DNAH10: variants seen among roughly 807,000 people sequenced by gnomAD.
DNAH10 encodes dynein axonemal heavy chain 10.
DNAH10 carries 348 observed loss-of-function variants against 506.6 expected under a neutral mutation model. The ratio of observed to expected loss-of-function variants is 0.69; its 90% CI spans 0.63 to 0.75. The LOEUF (loss-of-function observed/expected upper bound fraction) is 0.75. Among genes scored for constraint, DNAH10 ranks in the 30% least tolerant of loss-of-function variants. DNAH10 has a pLI of 0.00. For missense variants in DNAH10, 5,179 were observed against 5,787.1 expected (o/e 0.89, Z 3.41); for synonymous variants, 2,059 against 2,198.6 (o/e 0.94, Z 1.78).
In DNAH10 at chr12:123,768,597, G is replaced by A. The variant is rs117410459; in HGVS notation, c.298+908G>A. Among the ~76,000 whole-genome samples the A allele has an allele frequency of 1.6e-4, 24 of 150,608 alleles. No homozygotes were observed. The East Asian group carries it at 4.6e-3, about 29-fold the overall frequency. On this transcript the variant is annotated intron_variant, in intron 2 of 78. Transcript: ENST00000673944. ...GGGGGACACTCTTCAACCGAGTGTA[G>A]TATGTAACATACAAACACTCATGCA... is the stretch of plus-strand genomic sequence containing the variant.
chr12:123,864,396 T>C (rs4930727), intron 39 of DNAH10, among the ~76,000 whole-genome samples, 199 bp from the exon 40 acceptor site: 79,045 of 151,680 alleles, frequency 0.52, 20,899 homozygotes, highest in African/African-American at 0.55. Context: ...CCGCCCACCT[T>C]GGCCTCCCAA....
intron 1 of DNAH10, among the ~76,000 whole-genome samples, chr12:123,765,564 TTATCTATC>T (rs142140309): frequency 3.8e-4 from 57 of 149,408 alleles, no homozygotes; most frequent in South Asian, 1.3e-3. Context: ...TATCTATACT[TTATCTATC>T]TATCTATCTA....
rs750986022 is a variant in DNAH10 at position 123,783,090 on chromosome 12, C to T, written c.842-17C>T. 1.9e-5 allele frequency: 30 copies of T among 1,612,074 alleles called. No homozygotes were observed. Among genetic ancestry groups the T allele is most frequent in the Non-Finnish European group, 2.2e-5 (26 of 1,178,442 alleles). ...TTTCCTGAACGAATGACTGACTGAT[C>T]ACTTTTATTTTCCTAGGTGAGATCA... On this transcript the variant is annotated splice_polypyrimidine_tract_variant and intron_variant, in intron 6 of 78. Coordinates refer to ENST00000673944, the MANE Select transcript of DNAH10 (RefSeq NM_001372106.1).
At chr12:123,826,920 C>G in intron 25 of DNAH10, 22 bp downstream of exon 25, 1 of 1,593,314 alleles carries the variant, frequency 6.3e-7, no homozygotes, top group Non-Finnish European at 8.6e-7. Flanking sequence ...CCTCTGTCCG[C>G]AGATGTAAAA....
At chr12:123,893,569 C>A in intron 53 of DNAH10, 133 bp downstream of exon 53, 1 of 1,008,010 alleles carries the variant, frequency 9.9e-7, no homozygotes, top group Non-Finnish European at 1.5e-6. Flanking sequence ...AATGTGGGCT[C>A]TGCACTGTAG....
chr12:123,800,190 G>A (rs751448383), intron 14 of DNAH10, 26 bp from the exon 15 acceptor site: 8 of 1,608,482 alleles, frequency 5.0e-6, no homozygotes, highest in East Asian at 2.2e-5. Context: ...TGCCCTGGCC[G>A]CGCTGATGGA....
intron 54 of DNAH10, among the ~76,000 whole-genome samples, chr12:123,896,356 ATCTG>A (rs1293896193): frequency 2.6e-5 from 4 of 152,136 alleles, no homozygotes; most frequent in Non-Finnish European, 4.4e-5. Flanking sequence ...GGTACTTTCA[ATCTG>A]TCTTTCCTTC....
At chr12:123,906,554 T>C (rs1000922990) in intron 57 of DNAH10, among the ~76,000 whole-genome samples, 1 of 152,216 alleles carries the variant, frequency 6.6e-6, no homozygotes, top group Non-Finnish European at 1.5e-5. Flanking sequence ...TTTTGTGGCT[T>C]TTGGATATTG....
intron 36 of DNAH10, among the ~76,000 whole-genome samples, chr12:123,854,451 A>T (rs2136769575): frequency 6.6e-6 from 1 of 152,274 alleles, no homozygotes; most frequent in East Asian, 1.9e-4. Flanking sequence ...TGCACTCACT[A>T]CTGGCTTGTT....
chr12:123,856,297 T>C (rs1183876471), intron 36 of DNAH10, among the ~76,000 whole-genome samples: 1 of 149,804 alleles, frequency 6.7e-6, no homozygotes, highest in African/African-American at 2.4e-5. Flanking sequence ...TAAATATATA[T>C]GTATGTGTAT....
chr12:123,838,742 CG>C, intron 29 of DNAH10, 53 bp downstream of exon 29: 1 of 1,510,790 alleles, frequency 6.6e-7, no homozygotes, highest in East Asian at 2.3e-5. Context: ...GAACCGCCTT[CG>C]GTCCTCCCTG....
chr12:123,819,284 C>G lies in DNAH10; in HGVS notation c.4000+34C>G, dbSNP rs117677651. ...GTTCCTGTTGGTCTTACTGAGCGAT[C>G]TGAGTAGCAAATGTTTGAGTATGTT... is the stretch of plus-strand genomic sequence containing the variant. On this transcript the variant is annotated intron_variant, in intron 23 of 78. Coordinates refer to ENST00000673944, the MANE Select transcript of DNAH10 (RefSeq NM_001372106.1). 3.2e-3 allele frequency: 4,888 copies of G among 1,513,916 alleles called. 152 individuals carry two copies. The Admixed American group carries it at 0.06, about 19-fold the overall frequency. 93.8% of individuals were successfully genotyped at this position (1,513,916 alleles called of 1,614,324 possible).
intron 23 of DNAH10, among the ~76,000 whole-genome samples, chr12:123,819,936 C>A (rs913313733): frequency 1.3e-5 from 2 of 151,930 alleles, no homozygotes; most frequent in African/African-American, 4.8e-5. Flanking sequence ...AACTCCTGAC[C>A]TCAAGTGATC....
chr12:123,914,398 G>T lies in DNAH10; in HGVS notation c.10422G>T (p.Ala3474=). Residue 3474 remains alanine, a synonymous_variant, in exon 61 of 79, where the codon GCG becomes GCT. Coordinates refer to ENST00000673944, the MANE Select transcript of DNAH10 (RefSeq NM_001372106.1). ...VKLLGDCLLC[A]AFLSYEGAFT... is the part of the protein sequence containing the mutation. Reference sequence around the variant, plus strand: ...TGCTGGGGGACTGCCTGCTCTGCGCGGCTTTCCTCAGCTACGAGGGAGCCT... The same window carrying T: ...TGCTGGGGGACTGCCTGCTCTGCGCTGCTTTCCTCAGCTACGAGGGAGCCT... 6.2e-7 allele frequency: 1 copy of T among 1,613,612 alleles called. No individual in the cohort carries two copies. The highest frequency in any genetic ancestry group is 1.1e-5 in the South Asian group (1 of 91,082).
Position 123,848,848 on chromosome 12 carries a change from G to A in DNAH10, c.6068G>A (p.Arg2023Gln), listed in dbSNP as rs759186375. The A allele has an allele frequency of 1.2e-5, 19 of 1,613,644 alleles. No homozygotes were observed. The highest frequency in any genetic ancestry group is 4.5e-5 in the East Asian group (2 of 44,888). Residue 2023 changes from arginine (R) to glutamine (Q), a missense_variant, in exon 34 of 79, where the codon CGA (arginine) becomes CAA (glutamine). Around this residue, in one of 3 missense-constraint regions of DNAH10, gnomAD observed 4,844 missense variants for 5,430.5 expected, o/e 0.89. Coordinates refer to ENST00000673944, the MANE Select transcript of DNAH10 (RefSeq NM_001372106.1). ...ATCTCCTCCCAGATCCAGACGATCC[G>A]AAATGCTCTGATCCATCAGTTAACC... ...SVISSQIQTIRNALIHQLTTF... is the reference protein window; with the variant it reads ...SVISSQIQTIQNALIHQLTTF...
rs1951418307 is a variant in DNAH10 at position 123,856,991 on chromosome 12, A to T, written c.6439-65A>T. 9 of 1,366,652 alleles carry T rather than the reference A, an allele frequency of 6.6e-6. No individual in the cohort carries two copies. In the South Asian group the frequency reaches 1.7e-4, roughly 26 times the overall value. The allele number at this position is 1,366,652 out of a possible 1,614,324, so 84.7% of individuals were successfully genotyped here. ...ATAAGAGTGTTACCACTGGGTTGGA[A>T]ACACAGTCCAAAGCACTGGGTTCCT... On this transcript the variant is annotated intron_variant, in intron 36 of 78. Transcript: ENST00000673944.
intron 8 of DNAH10, among the ~76,000 whole-genome samples, chr12:123,784,652 C>G (rs1293361152): frequency 1.3e-5 from 2 of 152,230 alleles, no homozygotes; most frequent in African/African-American, 2.4e-5. Flanking sequence ...AATACATACA[C>G]AATGCTGTGT....
At chr12:123,892,122 G>T (rs1226682696) in intron 52 of DNAH10, among the ~76,000 whole-genome samples, 1 of 152,262 alleles carries the variant, frequency 6.6e-6, no homozygotes, top group Non-Finnish European at 1.5e-5. Context: ...AGCAGTGTGG[G>T]CACAATGTTA....
intron 40 of DNAH10, among the ~76,000 whole-genome samples, chr12:123,865,383 C>A (rs1951765620): frequency 6.6e-6 from 1 of 152,070 alleles, no homozygotes; most frequent in South Asian, 2.1e-4. Context: ...ATAGGTGTGG[C>A]CCTGGGACTT....
Sources: allele counts gnomAD v4.1 joint callset (sites outside exome capture counted in the v4.1 genomes callset), GRCh38; gene constraint gnomAD v4.1.1; regional missense constraint gnomAD v4.1.1; transcripts MANE v1.5; gene names NCBI Gene and HGNC (gene_info 2026-07-23, HGNC 2026-07-21).